Variants in CD8B observed in about 807,000 individuals in gnomAD.
The protein encoded by CD8B is T-cell surface glycoprotein CD8 beta chain.
Under a neutral mutation model 24.2 loss-of-function variants are expected in CD8B, and 6 were observed. The observed-to-expected ratio is 0.25, with a 90% CI of 0.14 to 0.49. The LOEUF is 0.49. Ranked by LOEUF, CD8B falls within the 20% of genes least tolerant of loss-of-function variation. The pLI is 0.98. For missense variants in CD8B, 196 were observed against 271.3 expected (o/e 0.72, Z 1.95); for synonymous variants, 84 against 108.3 (o/e 0.78, Z 1.39).
chr2:86,844,988 G>A (rs1322551299), intron 4 of CD8B, 30 bp from the exon 5 acceptor site: 2 of 1,556,030 alleles, frequency 1.3e-6, no homozygotes, highest in African/African-American at 1.4e-5. Flanking sequence ...GCGCCAGTCA[G>A]TGTGGGCTGT....
chr2:86,852,118 C>A (rs1676005394), intron 3 of CD8B, among the ~76,000 whole-genome samples: 1 of 152,152 alleles, frequency 6.6e-6, no homozygotes, highest in African/African-American at 2.4e-5. Context: ...GCATGTGCCA[C>A]CACGCCCAGC....
chr2:86,821,818 G>C, intron 5 of CD8B: 1 of 342,346 alleles, frequency 2.9e-6, no homozygotes, highest in Non-Finnish European at 6.4e-6. Flanking sequence ...GGAATGTTCC[G>C]AGCCCCCTGC....
Position 86,840,310 on chromosome 2 carries a change from G to A in CD8B, c.*1997C>T, listed in dbSNP as rs1343526728. Reference sequence around the variant, plus strand: ...CAAACGGAAAACACCTGGGTCTGGGGGCAGGGCATCTAAGGCCAATTAACA... The same window carrying A: ...CAAACGGAAAACACCTGGGTCTGGGAGCAGGGCATCTAAGGCCAATTAACA... On this transcript the variant is annotated 3_prime_UTR_variant, in exon 6 of 6. Coordinates refer to ENST00000390655, the MANE Select transcript of CD8B (RefSeq NM_004931.5). Among the ~76,000 whole-genome samples the A allele has an allele frequency of 6.6e-6, 1 of 152,102 alleles. No individual in the cohort carries two copies. Among genetic ancestry groups the A allele is most frequent in the Admixed American group, 6.6e-5 (1 of 15,266 alleles).
intron 5 of CD8B, among the ~76,000 whole-genome samples, chr2:86,829,593 C>T (rs576104819): frequency 1.3e-5 from 2 of 152,190 alleles, no homozygotes; most frequent in South Asian, 2.1e-4. Flanking sequence ...TCACCAGACA[C>T]GTGCAAGTTA....
chr2:86,825,029 G>A (rs542657628), intron 5 of CD8B, among the ~76,000 whole-genome samples: 2 of 152,296 alleles, frequency 1.3e-5, no homozygotes, highest in Admixed American at 1.3e-4. Context: ...CTCTTGCGTG[G>A]GTTCCAAAGC....
chr2:86,842,202 T>C lies in CD8B; in HGVS notation c.*105A>G. Reference sequence around the variant, plus strand: ...GAAAAGCAGGCAGCTTCAGCAGCCATTGAACTCTCCAGGGTTGAATGTGTC... The same window carrying C: ...GAAAAGCAGGCAGCTTCAGCAGCCACTGAACTCTCCAGGGTTGAATGTGTC... On this transcript the variant is annotated 3_prime_UTR_variant, in exon 6 of 6. Transcript: ENST00000390655. The C allele has an allele frequency of 2.0e-6, 3 of 1,480,398 alleles. No individual in the cohort carries two copies. The highest frequency in any genetic ancestry group is 2.4e-5 in the East Asian group (1 of 41,744). 91.7% of individuals were successfully genotyped at this position (1,480,398 alleles called of 1,614,324 possible). A position where few individuals can be genotyped will look rare whatever the true frequency, so the allele number is the denominator to read the frequency against.
At chr2:86,821,651 A>G in intron 5 of CD8B, 2 of 363,074 alleles carry the variant, frequency 5.5e-6, no homozygotes, top group South Asian at 3.8e-5. Flanking sequence ...GAGAGCAGGC[A>G]GAGGCATTGT....
chr2:86,844,186 C>T (rs1483026749), intron 5 of CD8B, among the ~76,000 whole-genome samples: 1 of 151,788 alleles, frequency 6.6e-6, no homozygotes, highest in African/African-American at 2.4e-5. Context: ...GACTAAATGG[C>T]CACCACTAAA....
chr2:86,823,915 TGAG>T (rs1221088340), intron 5 of CD8B, among the ~76,000 whole-genome samples: 2 of 151,754 alleles, frequency 1.3e-5, no homozygotes, highest in African/African-American at 4.8e-5. Context: ...TGGAGAAGAC[TGAG>T]GAGGAGCCCT....
chr2:86,817,330 T>C (rs1398270694), intron 5 of CD8B, among the ~76,000 whole-genome samples: 1 of 152,162 alleles, frequency 6.6e-6, no homozygotes, highest in Non-Finnish European at 1.5e-5. Context: ...AGTTTTGATG[T>C]ATAAGAGTGT....
At chr2:86,835,162 C>G (rs1418817056), downstream of CD8B, among the ~76,000 whole-genome samples, 1 of 152,282 alleles carries the variant, frequency 6.6e-6, no homozygotes, top group Non-Finnish European at 1.5e-5. Context: ...TGGCTCTGGT[C>G]TGAGCCACTG....
intron 5 of CD8B, among the ~76,000 whole-genome samples, chr2:86,816,380 G>C (rs890231079): frequency 6.6e-6 from 1 of 152,178 alleles, no homozygotes; most frequent in Admixed American, 6.5e-5. Context: ...TTAATCTACA[G>C]ATCCAGTGCA....
At chr2:86,834,935 CAA>C (rs59354571), downstream of CD8B, among the ~76,000 whole-genome samples, 1 of 93,954 alleles carries the variant, frequency 1.1e-5, no homozygotes, top group African/African-American at 3.9e-5. Flanking sequence ...AACTCTGTCT[CAA>C]AAAAAAAAAA....
At chr2:86,832,529 C>T (rs1011431264) in intron 5 of CD8B, among the ~76,000 whole-genome samples, 5 of 151,360 alleles carry the variant, frequency 3.3e-5, no homozygotes, top group African/African-American at 7.3e-5. Flanking sequence ...AGGAAGGGCA[C>T]GGTCACATGA....
At position 86,840,886 on chromosome 2, in the gene CD8B, G is replaced by A. The variant is rs868122306; in HGVS notation, c.*1421C>T. ...GTCACACTGCCCCTTCCCCAGAGTC[G>A]TCTTTCCTTTCCTGTTTTTTTTGTA... is the stretch of plus-strand genomic sequence containing the variant. On this transcript the variant is annotated 3_prime_UTR_variant, in exon 6 of 6. Coordinates refer to ENST00000390655, the MANE Select transcript of CD8B (RefSeq NM_004931.5). 1.4e-3 allele frequency among the ~76,000 whole-genome samples: 212 copies of A among 147,864 alleles called. No individual in the cohort carries two copies. Among genetic ancestry groups the A allele is most frequent in the South Asian group, 2.3e-3 (11 of 4,718 alleles).
At chr2:86,836,335 A>T (rs1295409748), downstream of CD8B, among the ~76,000 whole-genome samples, 4 of 152,178 alleles carry the variant, frequency 2.6e-5, no homozygotes, top group African/African-American at 9.7e-5. Flanking sequence ...GCCCTGGGCT[A>T]CTAGGGAGGG....
intron 5 of CD8B, among the ~76,000 whole-genome samples, chr2:86,818,614 A>G (rs2104488861): frequency 6.6e-6 from 1 of 152,320 alleles, no homozygotes; most frequent in South Asian, 2.1e-4. Context: ...AACTTGATCC[A>G]TAAATGTTGG....
chr2:86,825,240 C>G (rs776318298), intron 5 of CD8B, among the ~76,000 whole-genome samples: 3 of 152,072 alleles, frequency 2.0e-5, no homozygotes, highest in Non-Finnish European at 4.4e-5. Context: ...TACATAACGT[C>G]CCCACATAAA....
intron 3 of CD8B, among the ~76,000 whole-genome samples, chr2:86,848,703 T>TA (rs1287364305): frequency 2.0e-4 from 13 of 65,816 alleles, no homozygotes; most frequent in South Asian, 5.4e-4. Context: ...ATTTTTAAAT[T>TA]ATTTATTTAT....
Sources: allele counts gnomAD v4.1 joint callset (sites outside exome capture counted in the v4.1 genomes callset), GRCh38; gene constraint gnomAD v4.1.1; transcripts MANE v1.5; gene names NCBI Gene and HGNC (gene_info 2026-07-23, HGNC 2026-07-21).